The following UPRT variants were observed in gnomAD, a reference collection of about 807,000 sequenced individuals.
UPRT encodes RP11-311P8.3.
A neutral mutation model predicts 22.6 loss-of-function variants in UPRT; 5 were observed. That is an observed-to-expected ratio of 0.22 (90% confidence interval 0.12 to 0.47). The LOEUF (loss-of-function observed/expected upper bound fraction) is 0.47, where lower values mean the gene tolerates loss of function less well. UPRT is among the 20% of genes least tolerant of loss of function. UPRT has a pLI of 0.99. For missense variants in UPRT, 181 were observed against 239.9 expected (o/e 0.75, Z 1.62); for synonymous variants, 77 against 87.7 (o/e 0.88, Z 0.68).
chrX:75,237,487 A>T (rs1172817515), intron 4 of UPRT, among the ~76,000 whole-genome samples: 1 of 110,713 alleles, frequency 9.0e-6, no homozygotes, highest in Non-Finnish European at 1.9e-5. Flanking sequence ...CTGCTATAAA[A>T]CACATGCACA....
chrX:75,267,484 G>T (rs1342216216), intron 4 of UPRT, among the ~76,000 whole-genome samples: 2 of 111,732 alleles, frequency 1.8e-5, no homozygotes, highest in Non-Finnish European at 3.8e-5. Context: ...TAAATGACGA[G>T]TTAATGGGTG....
intron 4 of UPRT, among the ~76,000 whole-genome samples, chrX:75,174,690 T>C (rs959382410): frequency 8.9e-6 from 1 of 111,885 alleles, no homozygotes; most frequent in Non-Finnish European, 1.9e-5. Flanking sequence ...CCTCAGTGGT[T>C]TTGGAGAGTC....
chrX:75,301,844 T>A (rs1421675893), intron 6 of UPRT, among the ~76,000 whole-genome samples: 1 of 111,984 alleles, frequency 8.9e-6, no homozygotes, highest in Non-Finnish European at 1.9e-5. Flanking sequence ...ACCTAATAAA[T>A]CTTTCCTTAG....
chrX:75,244,333 C>T (rs1040999614), intron 4 of UPRT, among the ~76,000 whole-genome samples: 4 of 112,018 alleles, frequency 3.6e-5, no homozygotes, highest in African/African-American at 1.3e-4. Flanking sequence ...GGCTTTTTGG[C>T]ATACTGCCCA....
At chrX:75,236,748 G>A (rs1328614918) in intron 4 of UPRT, among the ~76,000 whole-genome samples, 1 of 112,545 alleles carries the variant, frequency 8.9e-6, no homozygotes, top group Non-Finnish European at 1.9e-5. Flanking sequence ...CTAGCCAGAT[G>A]TAGAAAGCTG....
In UPRT at chrX:75,181,475, C is replaced by T. The variant is rs956077606; in HGVS notation, c.-447+13596C>T. On this transcript the variant is annotated intron_variant, in intron 4 of 13. Coordinates refer to the UPRT transcript ENST00000652605. ...TTTTGTCAGTATTGATGCTTCTTAT[C>T]TGTGAGCGTGGAATGTTTTTCCATT... Among the ~76,000 whole-genome samples, 40 of 111,611 alleles carry T rather than the reference C, an allele frequency of 3.6e-4. 1 individual carries two copies. Among genetic ancestry groups the T allele is most frequent in the African/African-American group, 1.2e-3 (36 of 30,765 alleles).
At chrX:75,246,726 A>G (rs2082507869) in intron 4 of UPRT, among the ~76,000 whole-genome samples, 1 of 111,528 alleles carries the variant, frequency 9.0e-6, no homozygotes, top group Non-Finnish European at 1.9e-5. Context: ...CACCAACAGT[A>G]AAAGTGTTCC....
At chrX:75,278,789 T>C (rs1371262892) in intron 1 of UPRT, among the ~76,000 whole-genome samples, 1 of 111,659 alleles carries the variant, frequency 9.0e-6, no homozygotes, top group Admixed American at 9.5e-5. Context: ...TTAGAGTATG[T>C]CAGTATGTGA....
rs1400858232 is a variant in UPRT at position 75,219,197 on chromosome X, G to T, written c.-447+51318G>T. On this transcript the variant is annotated intron_variant, in intron 4 of 13. Transcript: ENST00000652605. Reference sequence around the variant, plus strand: ...AGCTCATTTCATTTGCCTCTGAATGGAGTTCAATTTAATTCATGATCAATA... The same window carrying T: ...AGCTCATTTCATTTGCCTCTGAATGTAGTTCAATTTAATTCATGATCAATA... 4.5e-5 allele frequency among the ~76,000 whole-genome samples: 5 copies of T among 111,597 alleles called. No homozygotes were observed. The East Asian group carries it at 1.4e-3, about 31-fold the overall frequency.
rs142560706 is a variant in UPRT at position 75,193,721 on chromosome X, C to A, written c.-447+25842C>A. Among the ~76,000 whole-genome samples the A allele has an allele frequency of 6.4e-3, 717 of 111,284 alleles. 10 individuals are homozygous for A. The highest frequency in any genetic ancestry group is 0.022 in the African/African-American group (678 of 30,632). Reference sequence around the variant, plus strand: ...GAGCCAGTCTCCAAACCCTCAGATTCTTTTCTCAGCTTGGTCAATTATTCT... The same window carrying A: ...GAGCCAGTCTCCAAACCCTCAGATTATTTTCTCAGCTTGGTCAATTATTCT... On this transcript the variant is annotated intron_variant, in intron 4 of 13. Transcript: ENST00000652605.
intron 4 of UPRT, among the ~76,000 whole-genome samples, chrX:75,263,696 G>T (rs1180775615): frequency 1.8e-5 from 2 of 108,504 alleles, no homozygotes; most frequent in Non-Finnish European, 3.8e-5. Flanking sequence ...TTTTTGAAGG[G>T]TTTTTTGTGT....
intron 4 of UPRT, among the ~76,000 whole-genome samples, chrX:75,251,053 G>T (rs762840127): frequency 9.0e-6 from 1 of 111,478 alleles, no homozygotes; most frequent in Non-Finnish European, 1.9e-5. Flanking sequence ...GTATTGATGG[G>T]ATGTATCTCA....
intron 4 of UPRT, among the ~76,000 whole-genome samples, chrX:75,211,996 T>A (rs1254155014): frequency 9.0e-6 from 1 of 111,508 alleles, no homozygotes; most frequent in Non-Finnish European, 1.9e-5. Flanking sequence ...TGATAACCTG[T>A]TCATAGGATG....
chrX:75,246,212 G>A (rs1034561413), intron 4 of UPRT, among the ~76,000 whole-genome samples: 5 of 106,829 alleles, frequency 4.7e-5, no homozygotes, highest in East Asian at 6.1e-4. Flanking sequence ...CCATTAACTC[G>A]TCATTTACAT....
At chrX:75,300,028 C>T in intron 5 of UPRT, 132 bp downstream of exon 5, 5 of 738,482 alleles carry the variant, frequency 6.8e-6, no homozygotes, top group South Asian at 6.0e-5. Flanking sequence ...GAAAACTGCC[C>T]CAGGCAGTTC....
chrX:75,182,854 G>T, intron 4 of UPRT, among the ~76,000 whole-genome samples: 1 of 109,920 alleles, frequency 9.1e-6, no homozygotes, highest in Admixed American at 9.8e-5. Context: ...TTCAGTTTAG[G>T]TATGATTTTG....
chrX:75,245,266 T>TA (rs766688686), intron 4 of UPRT, among the ~76,000 whole-genome samples: 5,718 of 65,365 alleles, frequency 0.087, 241 homozygotes, highest in African/African-American at 0.2. Context: ...TACTAAAAAG[T>TA]AAAAAAAAAA....
intron 4 of UPRT, among the ~76,000 whole-genome samples, chrX:75,262,311 G>T (rs2082571330): frequency 9.0e-6 from 1 of 110,856 alleles, no homozygotes; most frequent in African/African-American, 3.3e-5. Flanking sequence ...AACAACCAGT[G>T]CCAGCCACTG....
chrX:75,251,785 G>A (rs998828631), intron 4 of UPRT, among the ~76,000 whole-genome samples: 2 of 111,398 alleles, frequency 1.8e-5, no homozygotes, highest in Non-Finnish European at 3.8e-5. Context: ...CCAAGCTGGA[G>A]GCATCACACT....
Sources: allele counts gnomAD v4.1 joint callset (sites outside exome capture counted in the v4.1 genomes callset), GRCh38; gene constraint gnomAD v4.1.1; transcripts MANE v1.5; gene names NCBI Gene and HGNC (gene_info 2026-07-23, HGNC 2026-07-21).